The following LRRC74B variants were observed in gnomAD, a reference collection of about 807,000 sequenced individuals.
The protein encoded by LRRC74B is leucine-rich repeat-containing protein 74B.
A neutral mutation model predicts 16.6 loss-of-function variants in LRRC74B; 30 were observed. The ratio of observed to expected loss-of-function variants is 1.80; its 90% CI spans 1.35 to 2.45. The LOEUF (loss-of-function observed/expected upper bound fraction) is 2.45. Ranked by LOEUF, LRRC74B falls within the 30% of genes most tolerant of loss-of-function variation. The pLI is 0.00. For missense variants in LRRC74B, 326 were observed against 202.4 expected (o/e 1.61, Z -3.71); for synonymous variants, 134 against 86.0 (o/e 1.56, Z -3.09).
downstream of LRRC74B, chr22:21,061,914 T>C (rs1014307604): frequency 2.0e-5 from 3 of 152,176 alleles, no homozygotes; most frequent in Admixed American, 2.0e-4. Context: ...TGTTCTAAAA[T>C]GTATTGTGGT....
At chr22:21,051,376 C>T (rs1393495812) in intron 4 of LRRC74B, among the ~76,000 whole-genome samples, 1 of 152,090 alleles carries the variant, frequency 6.6e-6, no homozygotes, top group African/African-American at 2.4e-5. Context: ...GCTATTTTGC[C>T]CAGGCTGGTC....
chr22:21,047,479 A>C (rs1485261146), exon 2 of LRRC74B: 1 of 717,436 alleles, frequency 1.4e-6, no homozygotes, highest in South Asian at 1.5e-5. Context: ...AACCTCCGGC[A>C]CCGTGGCCTG....
exon 8 of LRRC74B, chr22:21,057,154 C>A (rs1336681831): frequency 7.0e-6 from 5 of 717,372 alleles, no homozygotes; most frequent in Non-Finnish European, 1.3e-5. Context: ...CTCCTCAAGT[C>A]TGTCCAGGAC....
exon 3 of LRRC74B, chr22:21,047,910 G>C (rs1369564477): frequency 1.4e-6 from 1 of 717,380 alleles, no homozygotes; most frequent in Non-Finnish European, 2.6e-6. Flanking sequence ...CTTCCTCATT[G>C]AGCTCCAATC....
chr22:21,048,710 A>G (rs1171843696), intron 3 of LRRC74B: 5 of 545,296 alleles, frequency 9.2e-6, no homozygotes, highest in Non-Finnish European at 1.7e-5. Flanking sequence ...AGCAGTCTCT[A>G]CAGTACCAGG....
intron 6 of LRRC74B, among the ~76,000 whole-genome samples, chr22:21,054,271 G>A (rs928294074): frequency 3.9e-5 from 6 of 152,262 alleles, no homozygotes; most frequent in African/African-American, 1.4e-4. Context: ...ATTTCAGGCT[G>A]CATTGCAACA....
chr22:21,053,241 C>T (rs995004927), intron 5 of LRRC74B, 119 bp from the exon 6 acceptor site: 1 of 612,902 alleles, frequency 1.6e-6, no homozygotes, highest in African/African-American at 1.8e-5. Context: ...GGAGCCTCTC[C>T]CCTTCTGCCC....
chr22:21,062,475 G>T (rs2041176353), downstream of LRRC74B: 1 of 152,180 alleles, frequency 6.6e-6, no homozygotes, highest in Non-Finnish European at 1.5e-5. Context: ...AGCACTTTGG[G>T]AGGCCGAGGC....
intron 5 of LRRC74B, among the ~76,000 whole-genome samples, chr22:21,052,979 G>A (rs1930190269): frequency 6.6e-6 from 1 of 152,222 alleles, no homozygotes; most frequent in African/African-American, 2.4e-5. Context: ...ACGCTGGACA[G>A]GTTTCATCCA....
intron 4 of LRRC74B, among the ~76,000 whole-genome samples, chr22:21,051,542 T>C (rs1372022046): frequency 6.6e-6 from 1 of 152,044 alleles, no homozygotes; most frequent in African/African-American, 2.4e-5. Flanking sequence ...TTGCCTAGCC[T>C]ATGGCACCAG....
downstream of LRRC74B, chr22:21,063,045 A>AAG (rs1930888004): frequency 6.6e-6 from 1 of 151,522 alleles, no homozygotes; most frequent in African/African-American, 2.4e-5. Flanking sequence ...AAAAAAAAAA[A>AAG]AGAATGGAAG....
chr22:21,047,281 G>A (rs73164868), intron 1 of LRRC74B, 75 bp from the exon 2 acceptor site: 42,145 of 664,588 alleles, frequency 0.063, 1,673 homozygotes, highest in Non-Finnish European at 0.079. Context: ...AGGCCAGGTA[G>A]TGACACAGGG....
At chr22:21,047,101 A>G (rs1328833519) in intron 1 of LRRC74B, among the ~76,000 whole-genome samples, 1 of 152,020 alleles carries the variant, frequency 6.6e-6, no homozygotes, top group Non-Finnish European at 1.5e-5. Context: ...TCGAAAAAAA[A>G]AAAAAGAAAA....
At position 21,052,318 on chromosome 22, in the gene LRRC74B, T is replaced by G. The variant is rs1174419591; in HGVS notation, c.692T>G (p.Leu231Arg). 12 of 717,492 alleles carry G rather than the reference T, an allele frequency of 1.7e-5. No homozygotes were observed. In the South Asian group the frequency reaches 1.8e-4, roughly 11 times the overall value. 44.4% of individuals were successfully genotyped at this position (717,492 alleles called of 1,614,324 possible). ...GAGCTTAACGTGAGCTGGAATCACC[T>G]CCGGGGCCCAGGAGCTGTGGCATTT... is the stretch of plus-strand genomic sequence containing the variant. The change falls in exon 5 of 9, where the codon CTC (leucine) becomes CGC (arginine). Residue 231 changes from leucine to arginine, a missense_variant. Physicochemically the swap from Leu to Arg is moderately radical, Grantham distance 102 (BLOSUM62 -2). Transcript: ENST00000442047.
chr22:21,057,257 A>G, intron 8 of LRRC74B, 57 bp downstream of exon 8: 2 of 619,042 alleles, frequency 3.2e-6, no homozygotes, highest in Non-Finnish European at 5.5e-6. Flanking sequence ...GTGAGGTATC[A>G]TAATTTTAGA....
chr22:21,057,317 C>T (rs1930593933), intron 8 of LRRC74B, 117 bp downstream of exon 8: 22 of 626,504 alleles, frequency 3.5e-5, no homozygotes, highest in South Asian at 3.0e-4. Flanking sequence ...AGTTACACAG[C>T]GTGGCAGAAG....
At chr22:21,061,024 T>A (rs887039601), downstream of LRRC74B, among the ~76,000 whole-genome samples, 2 of 152,136 alleles carry the variant, frequency 1.3e-5, no homozygotes, top group African/African-American at 4.8e-5. Flanking sequence ...TATAAAAGAT[T>A]GATGCCTAAA....
chr22:21,048,174 G>A lies in LRRC74B; in HGVS notation c.415+158G>A, dbSNP rs1208818444. 5 of 634,148 alleles carry A rather than the reference G, an allele frequency of 7.9e-6. No individual in the cohort carries two copies. The East Asian group carries it at 1.1e-4, about 14-fold the overall frequency. The allele number at this position is 634,148 out of a possible 1,614,324, so 39.3% of individuals were successfully genotyped here. ...CACAGGAGGGGGCATGTGGGGTGGA[G>A]TTAGACCCTCTGCTGTGCAGCCGAT... On this transcript the variant is annotated intron_variant, in intron 3 of 8. Transcript: ENST00000442047.
chr22:21,049,157 G>A (rs1929760270), exon 4 of LRRC74B: 3 of 716,010 alleles, frequency 4.2e-6, no homozygotes, highest in African/African-American at 3.5e-5. Context: ...TGACCAAGCA[G>A]GTAACGCCTG....
Sources: allele counts gnomAD v4.1 joint callset (sites outside exome capture counted in the v4.1 genomes callset), GRCh38; gene constraint gnomAD v4.1.1; transcripts MANE v1.5; gene names NCBI Gene and HGNC (gene_info 2026-07-23, HGNC 2026-07-21).